The following PRKN variants were observed in gnomAD, a reference collection of about 807,000 sequenced individuals.
The protein encoded by PRKN is parkin RBR E3 ubiquitin protein ligase, also known as E3 ubiquitin-protein ligase parkin.
In PRKN, 56 loss-of-function variants were observed where a neutral mutation model predicts 59.5. That is an observed-to-expected ratio of 0.94 (90% CI 0.76 to 1.18). The LOEUF is 1.18. Among genes scored for constraint, PRKN ranks in the 50% most tolerant of loss-of-function variants. The pLI is 0.00. For synonymous variants in PRKN, 250 were observed against 222.1 expected (o/e 1.13, Z -1.12); for missense variants, 657 against 596.4 (o/e 1.10, Z -1.06).
chr6:162,167,687 T>C (rs1444419035), intron 4 of PRKN, among the ~76,000 whole-genome samples: 1 of 151,812 alleles, frequency 6.6e-6, no homozygotes, highest in African/African-American at 2.4e-5. Flanking sequence ...GAAAAATGTA[T>C]GGGAGCCATT....
At chr6:162,420,002 T>C (rs1788869293) in intron 2 of PRKN, among the ~76,000 whole-genome samples, 1 of 152,168 alleles carries the variant, frequency 6.6e-6, no homozygotes, top group Non-Finnish European at 1.5e-5. Context: ...CTCCACAGAC[T>C]GGAGCAGGGA....
intron 4 of PRKN, among the ~76,000 whole-genome samples, chr6:162,060,740 T>C (rs1278668995): frequency 1.3e-5 from 2 of 152,248 alleles, no homozygotes; most frequent in Non-Finnish European, 2.9e-5. Context: ...GTATATGCAT[T>C]GATGCTTAAA....
chr6:162,285,888 C>T (rs1032036678), intron 2 of PRKN, among the ~76,000 whole-genome samples: 2 of 152,110 alleles, frequency 1.3e-5, no homozygotes, highest in Non-Finnish European at 2.9e-5. Context: ...GATAAATACA[C>T]GACAAAATGG....
At chr6:162,727,240 T>G in intron 1 of PRKN, 1 of 176,924 alleles carries the variant, frequency 5.7e-6, no homozygotes, top group South Asian at 1.6e-4. Context: ...AGAGAGTGGG[T>G]CTCGATGGGT....
intron 4 of PRKN, among the ~76,000 whole-genome samples, chr6:162,114,137 G>A (rs1780564796): frequency 6.6e-6 from 1 of 152,024 alleles, no homozygotes; most frequent in Non-Finnish European, 1.5e-5. Flanking sequence ...ATAGTTTGAA[G>A]TCAGGTAGCG....
rs1785713938 is a variant in PRKN at position 161,376,631 on chromosome 6, G to A, written c.1167+10163C>T. Among the ~76,000 whole-genome samples, 1 of 152,144 alleles carries A rather than the reference G, an allele frequency of 6.6e-6. No individual in the cohort carries two copies. The highest frequency in any genetic ancestry group is 2.4e-5 in the African/African-American group (1 of 41,432). The stretch of plus-strand genomic sequence containing the variant: ...CCAGTCCCACCACCTTGGGACTGAG[G>A]TCACACCGTCACATCACGGCGATAG... On this transcript the variant is annotated intron_variant, in intron 10 of 11. Coordinates refer to ENST00000366898, the MANE Select transcript of PRKN (RefSeq NM_004562.3). This position sits in a 1 kb window ranked among gnomAD's most constrained non-coding sequence, Gnocchi z 7.3.
intron 8 of PRKN, among the ~76,000 whole-genome samples, chr6:161,565,516 A>C (rs1030190105): frequency 2.6e-5 from 4 of 152,118 alleles, no homozygotes; most frequent in African/African-American, 9.7e-5. Context: ...ATGGTGAATG[A>C]GTCCTCACGA....
At chr6:162,032,648 A>T (rs1783684605) in intron 5 of PRKN, among the ~76,000 whole-genome samples, 1 of 152,194 alleles carries the variant, frequency 6.6e-6, no homozygotes, top group South Asian at 2.1e-4. Flanking sequence ...AGCGAAGCTG[A>T]GAGAGGTTAA....
chr6:161,820,374 T>C (rs1178647428), intron 6 of PRKN, among the ~76,000 whole-genome samples: 1 of 151,532 alleles, frequency 6.6e-6, no homozygotes, highest in Non-Finnish European at 1.5e-5. Flanking sequence ...TAATCTCTCC[T>C]GTGACAATAA....
At chr6:161,636,168 G>A (rs866023169) in intron 7 of PRKN, among the ~76,000 whole-genome samples, 23 of 152,262 alleles carry the variant, frequency 1.5e-4, no homozygotes, top group African/African-American at 4.3e-4. Flanking sequence ...GGCATGTGAT[G>A]TGCTGGGCAC....
intron 7 of PRKN, among the ~76,000 whole-genome samples, chr6:161,695,812 G>C (rs1331430565): frequency 6.6e-6 from 1 of 152,204 alleles, no homozygotes; most frequent in Non-Finnish European, 1.5e-5. Context: ...CATTTACAGA[G>C]AAAAGAGTGA....
At chr6:162,091,811 C>T (rs909723522) in intron 4 of PRKN, among the ~76,000 whole-genome samples, 10 of 151,832 alleles carry the variant, frequency 6.6e-5, no homozygotes, top group East Asian at 5.8e-4. Context: ...CTGAGGTGGG[C>T]GGACCACTTG....
At position 161,552,260 on chromosome 6, in the gene PRKN, C is replaced by CGCGCT. The variant is rs111466234; in HGVS notation, c.934-3258_934-3257insAGCGC. Among the ~76,000 whole-genome samples, 1 of 150,826 alleles carries CGCGCT rather than the reference C, an allele frequency of 6.6e-6. No individual in the cohort carries two copies. The highest frequency in any genetic ancestry group is 2.5e-5 in the African/African-American group (1 of 40,168). On this transcript the variant is annotated intron_variant, in intron 8 of 11. Transcript: ENST00000366898. This position sits in a 1 kb window ranked among gnomAD's most constrained non-coding sequence, Gnocchi z 4.9. ...GAAGCGGGACATCTCTCGATCACCTCTGCCTATGACTGTGAATGATCTCAC... is the reference window on the plus strand; with the variant it reads ...GAAGCGGGACATCTCTCGATCACCTCGCGCTTGCCTATGACTGTGAATGATCTCAC...
chr6:162,258,482 C>G (rs1779748500), intron 3 of PRKN, among the ~76,000 whole-genome samples: 1 of 152,196 alleles, frequency 6.6e-6, no homozygotes, highest in Non-Finnish European at 1.5e-5. Context: ...AATTTACACA[C>G]AGGCACCCTG....
At chr6:161,611,148 A>G (rs1404630685) in intron 7 of PRKN, among the ~76,000 whole-genome samples, 1 of 152,168 alleles carries the variant, frequency 6.6e-6, no homozygotes, top group African/African-American at 2.4e-5. Context: ...CATAAAATCT[A>G]TTAATTAGGG....
chr6:162,635,550 TTTG>T (rs1216079822), intron 1 of PRKN, among the ~76,000 whole-genome samples: 4 of 151,812 alleles, frequency 2.6e-5, no homozygotes, highest in African/African-American at 7.3e-5. Context: ...ATGTCGTAGC[TTTG>T]TTAACATTAT....
chr6:161,941,132 G>A (rs555714781), intron 6 of PRKN, among the ~76,000 whole-genome samples: 9 of 152,342 alleles, frequency 5.9e-5, no homozygotes, highest in Admixed American at 1.3e-4. Flanking sequence ...CCTGTGCCCA[G>A]GGACCTAGGT....
At chr6:161,817,297 T>C (rs1346968218) in intron 6 of PRKN, among the ~76,000 whole-genome samples, 1 of 152,206 alleles carries the variant, frequency 6.6e-6, no homozygotes, top group Non-Finnish European at 1.5e-5. Context: ...TGGTAGTGAA[T>C]TGTGAGCCTC....
chr6:162,173,136 G>A (rs571750352), intron 4 of PRKN, among the ~76,000 whole-genome samples: 2 of 152,270 alleles, frequency 1.3e-5, no homozygotes, highest in South Asian at 4.1e-4. Context: ...ATCAAAACAG[G>A]ACATTGGCCA....
Sources: allele counts gnomAD v4.1 joint callset (sites outside exome capture counted in the v4.1 genomes callset), GRCh38; gene constraint gnomAD v4.1.1; non-coding constraint Gnocchi (gnomAD v3.1); transcripts MANE v1.5; gene names NCBI Gene and HGNC (gene_info 2026-07-23, HGNC 2026-07-21).